PHLPP1: variants seen among roughly 807,000 people sequenced by gnomAD.
PHLPP1 encodes the protein PH domain leucine-rich repeat-containing protein phosphatase 1.
In PHLPP1, 42 loss-of-function variants were observed where a neutral mutation model predicts 117.2. The ratio of observed to expected loss-of-function variants is 0.36; its 90% CI spans 0.28 to 0.46. The LOEUF (loss-of-function observed/expected upper bound fraction) is 0.46. PHLPP1 is among the 20% of genes least tolerant of loss of function. The probability of loss-of-function intolerance (pLI) is 1.00; values close to 1 mark genes in which losing one functional copy is unlikely to be tolerated. For missense variants in PHLPP1, 2,084 were observed against 2,241.9 expected (o/e 0.93, Z 1.42); for synonymous variants, 1,042 against 970.7 (o/e 1.07, Z -1.37).
At chr18:62,809,391 A>G (rs1914047309) in intron 1 of PHLPP1, among the ~76,000 whole-genome samples, 1 of 152,162 alleles carries the variant, frequency 6.6e-6, no homozygotes. Context: ...CTGCAGATAT[A>G]CACAATATAA....
rs565099172 is a variant in PHLPP1, at chr18:62,771,605, C to G, written c.1576+54346C>G. On this transcript the variant is annotated intron_variant, in intron 1 of 16. Coordinates refer to ENST00000262719, the MANE Select transcript of PHLPP1 (RefSeq NM_194449.4). ...GATTAAAAGGTTAGTGCACACTGAG[C>G]TTTTTTAGGAGAGAAGAAACATCAG... Among the ~76,000 whole-genome samples, 59 of 152,252 alleles carry G rather than the reference C, an allele frequency of 3.9e-4. No homozygotes were observed. The South Asian group carries it at 0.012, about 31-fold the overall frequency.
chr18:62,895,347 A>G (rs577044120), intron 5 of PHLPP1, among the ~76,000 whole-genome samples, 190 bp downstream of exon 5: 1 of 152,348 alleles, frequency 6.6e-6, no homozygotes, highest in Admixed American at 6.5e-5. Context: ...CAGTCTTGTA[A>G]AAAAATTAAA....
intron 1 of PHLPP1, among the ~76,000 whole-genome samples, chr18:62,759,841 T>TC (rs60621955): frequency 0.013 from 2,017 of 152,262 alleles, 38 homozygotes; most frequent in African/African-American, 0.045. Flanking sequence ...AACCCAATCT[T>TC]CTCTTTTGCA....
intron 1 of PHLPP1, among the ~76,000 whole-genome samples, chr18:62,783,815 T>C (rs973301934): frequency 6.6e-6 from 1 of 152,110 alleles, no homozygotes; most frequent in African/African-American, 2.4e-5. Context: ...GGCACAACAG[T>C]CCACATAATG....
At chr18:62,851,652 G>A (rs1214594994) in intron 3 of PHLPP1, among the ~76,000 whole-genome samples, 1 of 151,934 alleles carries the variant, frequency 6.6e-6, no homozygotes, top group African/African-American at 2.4e-5. Context: ...GTGGAGACAG[G>A]GTTTCATTAT....
rs557390228 is a variant in PHLPP1 at position 62,717,032 on chromosome 18, C to G, written c.1349C>G (p.Ser450Cys). 2.7e-5 allele frequency: 42 copies of G among 1,545,964 alleles called. No homozygotes were observed. In the African/African-American group the frequency reaches 4.7e-4, roughly 17 times the overall value. Residue 450 changes from serine (S) to cysteine (C), a missense_variant, in exon 1 of 17, where the codon TCT becomes TGT. Coordinates refer to ENST00000262719, the MANE Select transcript of PHLPP1 (RefSeq NM_194449.4). ...AAAVAPGGLQ[S>C]TPGRSGVTAE... ...GCCGTGGCCCCGGGAGGCCTCCAGT[C>G]TACCCCCGGGAGGAGCGGGGTGACC...
chr18:62,766,076 A>AAAAATATATATATAT, intron 1 of PHLPP1, among the ~76,000 whole-genome samples: 11 of 21,652 alleles, frequency 5.1e-4, no homozygotes, highest in Non-Finnish European at 6.8e-4. Context: ...AAAAAAAAAA[A>AAAAATATATATATAT]ATATATATAT....
At chr18:62,730,309 A>G (rs749642134) in intron 1 of PHLPP1, among the ~76,000 whole-genome samples, 35 of 152,122 alleles carry the variant, frequency 2.3e-4, no homozygotes, top group Non-Finnish European at 4.4e-4. Context: ...CAAGTAAGAT[A>G]ATGAATGAAA....
intron 1 of PHLPP1, among the ~76,000 whole-genome samples, chr18:62,798,968 A>G (rs1370509568): frequency 6.6e-6 from 1 of 152,248 alleles, no homozygotes; most frequent in Non-Finnish European, 1.5e-5. Flanking sequence ...AGTTTTAGCA[A>G]TTAGACTTAA....
intron 4 of PHLPP1, among the ~76,000 whole-genome samples, chr18:62,877,710 T>A (rs964568525): frequency 1.3e-5 from 2 of 152,218 alleles, no homozygotes; most frequent in African/African-American, 4.8e-5. Context: ...AGCTTTCCAT[T>A]TCACAAGATT....
chr18:62,730,792 A>G lies in PHLPP1; in HGVS notation c.1576+13533A>G, dbSNP rs900735730. 1.8e-3 allele frequency among the ~76,000 whole-genome samples: 258 copies of G among 142,674 alleles called. 1 individual carries two copies. The highest frequency in any genetic ancestry group is 3.5e-3 in the Non-Finnish European group (221 of 63,658). 93.6% of individuals were successfully genotyped at this position (142,674 alleles called of 152,430 possible). A position where few individuals can be genotyped will look rare whatever the true frequency, so the allele number is the denominator to read the frequency against. ...GGGCAATGAGCAAAACTTTGTCTCAAAAAAAAAAAAAAAAAACTGTTTTGA... is the reference window on the plus strand; with the variant it reads ...GGGCAATGAGCAAAACTTTGTCTCAGAAAAAAAAAAAAAAAACTGTTTTGA... On this transcript the variant is annotated intron_variant, in intron 1 of 16. Transcript: ENST00000262719.
rs1056945883 is a variant in PHLPP1, at chr18:62,819,370, A to G, written c.1577-10665A>G. ...TATAATGAACCATAAAGCAACCATT[A>G]AGAAGAAAGCAGGAGGGAATGAATT... On this transcript the variant is annotated intron_variant, in intron 1 of 16. Transcript: ENST00000262719. 3.3e-5 allele frequency among the ~76,000 whole-genome samples: 5 copies of G among 152,236 alleles called. No homozygotes were observed. The South Asian group carries it at 1.0e-3, about 32-fold the overall frequency.
chr18:62,859,852 C>G (rs1201744798), intron 3 of PHLPP1, among the ~76,000 whole-genome samples: 1 of 152,200 alleles, frequency 6.6e-6, no homozygotes, highest in Non-Finnish European at 1.5e-5. Flanking sequence ...GTCTCCTATG[C>G]TAGGTTACTG....
intron 10 of PHLPP1, among the ~76,000 whole-genome samples, chr18:62,939,708 G>A (rs1244545362): frequency 1.3e-5 from 2 of 150,898 alleles, no homozygotes; most frequent in Non-Finnish European, 2.9e-5. Context: ...TGGGGAAGCT[G>A]CTTTTCCTCA....
At chr18:62,965,848 AAAAG>A (rs1470149612) in intron 14 of PHLPP1, among the ~76,000 whole-genome samples, 2 of 151,774 alleles carry the variant, frequency 1.3e-5, no homozygotes, top group African/African-American at 4.8e-5. Flanking sequence ...AAAAAAAAAA[AAAAG>A]AAAGAAAAAA....
At chr18:62,923,282 T>C (rs1442395001) in intron 10 of PHLPP1, among the ~76,000 whole-genome samples, 1 of 151,670 alleles carries the variant, frequency 6.6e-6, no homozygotes, top group Non-Finnish European at 1.5e-5. Flanking sequence ...GAGTAAAGGG[T>C]TGGGGGAATG....
chr18:62,946,714 C>T (rs1910296845), intron 12 of PHLPP1, among the ~76,000 whole-genome samples: 1 of 152,216 alleles, frequency 6.6e-6, no homozygotes, highest in African/African-American at 2.4e-5. Context: ...GCTTTAAGAA[C>T]ACTGTCTCAT....
intron 13 of PHLPP1, among the ~76,000 whole-genome samples, chr18:62,961,920 T>TA (rs1910781394): frequency 6.6e-6 from 1 of 152,224 alleles, no homozygotes; most frequent in South Asian, 2.1e-4. Flanking sequence ...TATTTCTAGT[T>TA]ACAAAGGGAA....
At chr18:62,977,088 A>G (rs879508296) in intron 16 of PHLPP1, among the ~76,000 whole-genome samples, 1 of 152,216 alleles carries the variant, frequency 6.6e-6, no homozygotes, top group Admixed American at 6.5e-5. Context: ...TGTCAGTAGA[A>G]TCAAGGCAGT....
Sources: gnomAD v4.1 joint callset for allele counts (sites outside exome capture counted in the v4.1 genomes callset) on GRCh38, gnomAD v4.1.1 for gene constraint, MANE v1.5 for transcripts, NCBI Gene and HGNC (gene_info 2026-07-23, HGNC 2026-07-21) for gene names.